RAB11FIP3: variants seen among roughly 807,000 people sequenced by gnomAD.
RAB11FIP3 encodes the protein RAB11 family interacting protein 3, also known as rab11 family-interacting protein 3.
A neutral mutation model predicts 77.8 loss-of-function variants in RAB11FIP3; 17 were observed. The observed-to-expected ratio is 0.22, with a 90% CI of 0.15 to 0.33. RAB11FIP3 has a LOEUF of 0.33. RAB11FIP3 is among the 10% of genes least tolerant of loss of function. RAB11FIP3 has a pLI of 1.00. For missense variants in RAB11FIP3, 1,005 were observed against 1,011.2 expected (o/e 0.99, Z 0.08); for synonymous variants, 437 against 448.2 (o/e 0.98, Z 0.31).
rs116515179 is a variant in RAB11FIP3 at position 471,253 on chromosome 16, G to C, written c.809-42G>C. ...GCCGCCAGGGGTCCCGTCACTGGGT[G>C]GCTATGGGTGGCCTGTTGAGCACGA... On this transcript the variant is annotated intron_variant, in intron 2 of 13. Transcript: ENST00000262305. This position sits in a 1 kb window ranked among gnomAD's most constrained non-coding sequence, Gnocchi z 4.4. 2 of 1,548,292 alleles carry C rather than the reference G, an allele frequency of 1.3e-6. No homozygotes were observed. The highest frequency in any genetic ancestry group is 2.2e-5 in the South Asian group (2 of 89,372).
chr16:466,120 A>C (rs1253472036), intron 2 of RAB11FIP3, among the ~76,000 whole-genome samples: 1 of 152,094 alleles, frequency 6.6e-6, no homozygotes, highest in Non-Finnish European at 1.5e-5. Context: ...TCATAGGGTA[A>C]ACTTGCTCTG....
rs1015190455 is a variant in RAB11FIP3 at position 471,889 on chromosome 16, G to A, written c.903+500G>A. Among the ~76,000 whole-genome samples the A allele has an allele frequency of 1.7e-4, 26 of 152,110 alleles. No homozygotes were observed. Among genetic ancestry groups the A allele is most frequent in the African/African-American group, 5.3e-4 (22 of 41,430 alleles). ...CAACATAGCTGGGGAGAGGGTCTTC[G>A]AGCACAGCCGTGGTCGACAGAGCGT... is the stretch of plus-strand genomic sequence containing the variant. On this transcript the variant is annotated intron_variant, in intron 3 of 13. Transcript: ENST00000262305. The surrounding 1 kb of genome is among the most constrained non-coding windows in gnomAD (Gnocchi z 4.4).
chr16:482,606 A>G lies in RAB11FIP3; in HGVS notation c.985A>G (p.Ser329Gly). ...ECETFTDEDTSTLVHPELQPE... is the reference protein window; with the variant it reads ...ECETFTDEDTGTLVHPELQPE... ...TGAGACCTTCACGGACGAGGACACC[A>G]GCACCCTGGTGCACCCTGAGCTGCA... is the stretch of plus-strand genomic sequence containing the variant. The change falls in exon 4 of 14, where the codon AGC (serine) becomes GGC (glycine). Residue 329 changes from serine (S) to glycine (G), a missense_variant. Ser to Gly is a moderately conservative substitution (Grantham distance 56, BLOSUM62 0). Around this residue, in one of 4 missense-constraint regions of RAB11FIP3, gnomAD observed 433 missense variants for 436.1 expected, o/e 0.99. Transcript: ENST00000262305. 1.9e-6 allele frequency: 3 copies of G among 1,613,608 alleles called. No homozygotes were observed. Among genetic ancestry groups the G allele is most frequent in the Non-Finnish European group, 2.5e-6 (3 of 1,180,050 alleles).
At chr16:501,807 G>T (rs2031544891) in intron 6 of RAB11FIP3, among the ~76,000 whole-genome samples, 1 of 150,308 alleles carries the variant, frequency 6.7e-6, no homozygotes, top group Non-Finnish European at 1.5e-5. Context: ...AGTTCAGAGA[G>T]GGTCCCCCCA....
chr16:479,994 A>C (rs999819834), intron 3 of RAB11FIP3, among the ~76,000 whole-genome samples: 1 of 152,110 alleles, frequency 6.6e-6, no homozygotes, highest in Non-Finnish European at 1.5e-5. Context: ...ATTTAAAAAA[A>C]AGTTGAATTC....
intron 1 of RAB11FIP3, among the ~76,000 whole-genome samples, chr16:448,585 T>C (rs2055355292): frequency 1.3e-5 from 2 of 149,692 alleles, no homozygotes; most frequent in Non-Finnish European, 3.0e-5. Context: ...AAATACAAAA[T>C]ATTAGCCGGG....
Position 491,150 on chromosome 16 carries a change from G to A in RAB11FIP3, c.1265+2150G>A, listed in dbSNP as rs764164033. 1.8e-5 allele frequency: 23 copies of A among 1,302,176 alleles called. No homozygotes were observed. In the Middle Eastern group the frequency reaches 6.4e-4, roughly 36 times the overall value. The allele number at this position is 1,302,176 out of a possible 1,614,324, so 80.7% of individuals were successfully genotyped here. A position where few individuals can be genotyped will look rare whatever the true frequency, so the allele number is the denominator to read the frequency against. ...TCTCTCTAGCACTGACCCTCTTGCC[G>A]CAAAGCTGCACAGCATCCTCACTGA... On this transcript the variant is annotated intron_variant, in intron 5 of 13. Coordinates refer to ENST00000262305, the MANE Select transcript of RAB11FIP3 (RefSeq NM_014700.4).
chr16:441,274 C>T (rs1036569215), intron 1 of RAB11FIP3, among the ~76,000 whole-genome samples: 1 of 152,196 alleles, frequency 6.6e-6, no homozygotes, highest in Non-Finnish European at 1.5e-5. Context: ...TTCCTGATCA[C>T]TCAGTAACCT....
At chr16:490,502 G>A (rs1046538935) in intron 5 of RAB11FIP3, among the ~76,000 whole-genome samples, 7 of 152,140 alleles carry the variant, frequency 4.6e-5, no homozygotes. Flanking sequence ...ACTACGCCGG[G>A]CTAATTTTGT....
In RAB11FIP3 at chr16:506,615, A is replaced by T. The variant is rs1453197768; in HGVS notation, c.1499+988A>T. 6.6e-6 allele frequency among the ~76,000 whole-genome samples: 1 copy of T among 152,126 alleles called. No individual in the cohort carries two copies. The highest frequency in any genetic ancestry group is 2.4e-5 in the African/African-American group (1 of 41,432). ...GGGCATTTGTGGTCAGCATCCCCAA[A>T]GCCCCCAAGCCCTCACCCTCACGGT... On this transcript the variant is annotated intron_variant, in intron 8 of 13. Coordinates refer to ENST00000262305, the MANE Select transcript of RAB11FIP3 (RefSeq NM_014700.4). This position sits in a 1 kb window ranked among gnomAD's most constrained non-coding sequence, Gnocchi z 4.5.
intron 1 of RAB11FIP3, among the ~76,000 whole-genome samples, chr16:456,584 T>G (rs1487092694): frequency 6.6e-6 from 1 of 152,154 alleles, no homozygotes; most frequent in Non-Finnish European, 1.5e-5. Flanking sequence ...GGTGAAACCC[T>G]GTCTCTACTA....
intron 1 of RAB11FIP3, among the ~76,000 whole-genome samples, chr16:444,273 C>T (rs1208507064): frequency 6.6e-6 from 1 of 152,214 alleles, no homozygotes; most frequent in Non-Finnish European, 1.5e-5. Context: ...GAAATGCCTA[C>T]TTTTCACTAC....
At chr16:458,914 A>T (rs1398078085) in intron 1 of RAB11FIP3, among the ~76,000 whole-genome samples, 5 of 152,186 alleles carry the variant, frequency 3.3e-5, no homozygotes, top group African/African-American at 1.2e-4. Context: ...AGAGTAGTGA[A>T]ATGGTGCACT....
At chr16:463,703 G>C (rs1871925560) in intron 2 of RAB11FIP3, among the ~76,000 whole-genome samples, 1 of 152,128 alleles carries the variant, frequency 6.6e-6, no homozygotes, top group Admixed American at 6.6e-5. Flanking sequence ...CTCCCAAAGT[G>C]CTGGGGTTAC....
chr16:429,850 A>G (rs773049420), intron 1 of RAB11FIP3, among the ~76,000 whole-genome samples: 1 of 152,148 alleles, frequency 6.6e-6, no homozygotes, highest in East Asian at 1.9e-4. Context: ...AGTATCTTCT[A>G]TGTAATCTGT....
At position 463,210 on chromosome 16, in the gene RAB11FIP3, C is replaced by T. The variant is rs368856199; in HGVS notation, c.808+1713C>T. Among the ~76,000 whole-genome samples, 92 of 152,118 alleles carry T rather than the reference C, an allele frequency of 6.0e-4. 2 individuals carry two copies. In the South Asian group the frequency reaches 6.7e-3, roughly 11 times the overall value. On this transcript the variant is annotated intron_variant, in intron 2 of 13. Coordinates refer to ENST00000262305, the MANE Select transcript of RAB11FIP3 (RefSeq NM_014700.4). ...CCAGGCGGTGTAGGGGTGACGGTGG[C>T]GGGTCCTTTCCCTCCTTCATGCACG...
chr16:442,840 C>T (rs976349810), intron 1 of RAB11FIP3, among the ~76,000 whole-genome samples: 6 of 152,178 alleles, frequency 3.9e-5, no homozygotes, highest in African/African-American at 2.4e-5. Context: ...GTCATCTCTG[C>T]AGATGTTTCT....
At chr16:493,633 G>C (rs1213838533) in intron 5 of RAB11FIP3, among the ~76,000 whole-genome samples, 1 of 152,154 alleles carries the variant, frequency 6.6e-6, no homozygotes, top group East Asian at 1.9e-4. Context: ...TTGAGACAGA[G>C]TCTCGCTTTG....
chr16:426,393 CGAGGAGTGT>C lies in RAB11FIP3; in HGVS notation c.389_397del (p.Glu130_Cys132del), dbSNP rs769859528. The C allele has an allele frequency of 5.7e-6, 9 of 1,580,320 alleles. No homozygotes were observed. The highest frequency in any genetic ancestry group is 1.7e-4 in the Middle Eastern group (1 of 5,882). On this transcript the variant is annotated inframe_deletion, in exon 1 of 14. Coordinates refer to ENST00000262305, the MANE Select transcript of RAB11FIP3 (RefSeq NM_014700.4). This position sits in a 1 kb window ranked among gnomAD's most constrained non-coding sequence, Gnocchi z 5.0. ...CGTTGTTCTCCTGGACTGAGGAGCC[CGAGGAGTGT>C]GGCCCCGCGAGCTGCCCGGAGAGCG... is the stretch of plus-strand genomic sequence containing the variant.
Sources: gnomAD v4.1 joint callset for allele counts (sites outside exome capture counted in the v4.1 genomes callset) on GRCh38, gnomAD v4.1.1 for gene constraint, gnomAD v4.1.1 regional missense constraint, Gnocchi (gnomAD v3.1) non-coding constraint, MANE v1.5 for transcripts, NCBI Gene and HGNC (gene_info 2026-07-23, HGNC 2026-07-21) for gene names.